CHCHD3: variants seen among roughly 807,000 people sequenced by gnomAD.
CHCHD3 encodes the protein coiled-coil-helix-coiled-coil-helix domain containing 3.
In CHCHD3, 20 loss-of-function variants were observed where a neutral mutation model predicts 38.2. The ratio of observed to expected loss-of-function variants is 0.52; its 90% CI spans 0.37 to 0.76. The LOEUF is 0.76. CHCHD3 is among the 30% of genes least tolerant of loss of function. The pLI, the probability that CHCHD3 is intolerant of heterozygous loss-of-function variation, is 0.00. For missense variants in CHCHD3, 245 were observed against 279.2 expected, an observed-to-expected ratio of 0.88 and a Z score of 0.87; for synonymous variants, 82 against 100.0, an observed-to-expected ratio of 0.82 and a Z score of 1.07.
At chr7:132,803,200 G>T (rs1806833063) in intron 6 of CHCHD3, among the ~76,000 whole-genome samples, 1 of 152,002 alleles carries the variant, frequency 6.6e-6, no homozygotes, top group South Asian at 2.1e-4. Context: ...TATTCTCTTT[G>T]TCCTTTCAAA....
intron 4 of CHCHD3, among the ~76,000 whole-genome samples, chr7:132,915,355 A>G (rs1256115517): frequency 6.6e-6 from 1 of 152,142 alleles, no homozygotes; most frequent in Non-Finnish European, 1.5e-5. Flanking sequence ...GCCGGGAACC[A>G]TAAGAAAGTT....
At chr7:132,976,055 C>T (rs776800339) in intron 3 of CHCHD3, among the ~76,000 whole-genome samples, 3 of 152,120 alleles carry the variant, frequency 2.0e-5, no homozygotes, top group Admixed American at 1.3e-4. Flanking sequence ...GAGGACACAG[C>T]GATAAACAAG....
intron 4 of CHCHD3, among the ~76,000 whole-genome samples, chr7:132,906,310 T>G (rs938521462): frequency 2.0e-5 from 3 of 152,222 alleles, no homozygotes; most frequent in African/African-American, 7.2e-5. Flanking sequence ...AAACAATTAG[T>G]GCTTTTTCTA....
rs116283181 is a variant in CHCHD3 at position 133,073,341 on chromosome 7, T to C, written c.82-3112A>G. Among the ~76,000 whole-genome samples, 1,160 of 152,208 alleles carry C rather than the reference T, an allele frequency of 7.6e-3. 13 individuals carry two copies. Among genetic ancestry groups the C allele is most frequent in the African/African-American group, 0.026 (1,100 of 41,524 alleles). On this transcript the variant is annotated intron_variant, in intron 1 of 7. Coordinates refer to ENST00000262570, the MANE Select transcript of CHCHD3 (RefSeq NM_017812.4). ...TGTACTGGCACTCTCATCCAATCTC[T>C]TGATTTCTAACTGTTGTTGATAAAC... is the stretch of plus-strand genomic sequence containing the variant.
intron 6 of CHCHD3, among the ~76,000 whole-genome samples, chr7:132,828,686 T>C (rs1272393631): frequency 6.6e-6 from 1 of 152,102 alleles, no homozygotes; most frequent in Non-Finnish European, 1.5e-5. Context: ...CCAGGCAGAG[T>C]GAATGGGCAG....
chr7:133,076,414 A>G (rs1433957635), intron 1 of CHCHD3, among the ~76,000 whole-genome samples: 1 of 152,186 alleles, frequency 6.6e-6, no homozygotes, highest in Non-Finnish European at 1.5e-5. Context: ...TCTATGAACT[A>G]AAAGAGCCAC....
At chr7:132,848,294 T>A (rs990989412) in intron 5 of CHCHD3, among the ~76,000 whole-genome samples, 3 of 152,258 alleles carry the variant, frequency 2.0e-5, no homozygotes, top group African/African-American at 7.2e-5. Context: ...GATTCAAAAG[T>A]CTTAATTATA....
At chr7:132,879,923 G>C (rs949616124) in intron 5 of CHCHD3, among the ~76,000 whole-genome samples, 1 of 151,942 alleles carries the variant, frequency 6.6e-6, no homozygotes, top group Non-Finnish European at 1.5e-5. Flanking sequence ...ACTCTTAGGG[G>C]TATCATGCTG....
intron 2 of CHCHD3, among the ~76,000 whole-genome samples, chr7:133,052,648 C>T (rs2117503916): frequency 6.6e-6 from 1 of 152,268 alleles, no homozygotes; most frequent in South Asian, 2.1e-4. Context: ...GACAAACACA[C>T]ATACACAGAC....
At chr7:133,068,237 G>T (rs1814727363) in intron 2 of CHCHD3, among the ~76,000 whole-genome samples, 1 of 152,124 alleles carries the variant, frequency 6.6e-6, no homozygotes, top group Non-Finnish European at 1.5e-5. Context: ...TTTTAAAATG[G>T]ATAATGCCCT....
rs142012631 is a variant in CHCHD3, at chr7:132,882,259, C to T, written c.453+3403G>A. Among the ~76,000 whole-genome samples the T allele has an allele frequency of 5.5e-4, 84 of 152,170 alleles. 1 individual carries two copies. The highest frequency in any genetic ancestry group is 3.3e-3 in the Admixed American group (51 of 15,260). On this transcript the variant is annotated intron_variant, in intron 5 of 7. Transcript: ENST00000262570. ...ACAAGGGATTAGGTGAATTGCCGAA[C>T]AGCCACATGACAAAAGCATACCTTC...
Position 132,788,381 on chromosome 7 carries a change from T to C in CHCHD3, c.661-2721A>G, listed in dbSNP as rs1313402601. Among the ~76,000 whole-genome samples the C allele has an allele frequency of 6.6e-6, 1 of 152,188 alleles. No homozygotes were observed. The highest frequency in any genetic ancestry group is 1.5e-5 in the Non-Finnish European group (1 of 68,048). ...TGTCATCTGCCTGGTCAAGATTACA[T>C]AGCTGTACCCCTCTCTACAATTTTG... On this transcript the variant is annotated intron_variant, in intron 7 of 7. Transcript: ENST00000262570. This position sits in a 1 kb window ranked among gnomAD's most constrained non-coding sequence, Gnocchi z 4.0.
intron 4 of CHCHD3, among the ~76,000 whole-genome samples, chr7:132,886,203 T>C (rs1266832545): frequency 6.6e-6 from 1 of 152,132 alleles, no homozygotes; most frequent in African/African-American, 2.4e-5. Context: ...ACATACATTG[T>C]TCTATTTCCC....
intron 4 of CHCHD3, among the ~76,000 whole-genome samples, chr7:132,963,322 ATTTTTTTTTTTTTTT>A (rs1005146883): frequency 2.3e-5 from 2 of 87,568 alleles, no homozygotes; most frequent in Admixed American, 1.4e-4. Flanking sequence ...TAAAATTGTA[ATTTTTTTTTTTTTTT>A]TTTTTTTTTT....
At chr7:133,044,221 C>T (rs76800950) in intron 2 of CHCHD3, among the ~76,000 whole-genome samples, 3,423 of 152,288 alleles carry the variant, frequency 0.022, 129 homozygotes, top group African/African-American at 0.078. Flanking sequence ...ACTCACTAGA[C>T]ATTTAAAGAA....
At chr7:133,005,224 A>C (rs1348266207) in intron 3 of CHCHD3, among the ~76,000 whole-genome samples, 2 of 152,190 alleles carry the variant, frequency 1.3e-5, no homozygotes, top group African/African-American at 4.8e-5. Flanking sequence ...CAAACAAAAA[A>C]CAAACCTAAA....
chr7:132,794,373 T>C (rs1806548628), intron 7 of CHCHD3, among the ~76,000 whole-genome samples: 1 of 152,190 alleles, frequency 6.6e-6, no homozygotes, highest in South Asian at 2.1e-4. Context: ...TTCAATGCTC[T>C]CAACTGGAAA....
intron 5 of CHCHD3, among the ~76,000 whole-genome samples, chr7:132,871,476 G>A (rs149805929): frequency 4.8e-4 from 73 of 152,264 alleles, no homozygotes; most frequent in African/African-American, 1.6e-3. Flanking sequence ...AGAAGTGCTC[G>A]TTGTAGTTCT....
At chr7:132,951,923 C>T (rs533430804) in intron 4 of CHCHD3, among the ~76,000 whole-genome samples, 2 of 152,276 alleles carry the variant, frequency 1.3e-5, no homozygotes, top group East Asian at 3.9e-4. Context: ...AAAGCCAGTG[C>T]TCTCTTCTCT....
Sources: allele counts gnomAD v4.1 joint callset (sites outside exome capture counted in the v4.1 genomes callset), GRCh38; gene constraint gnomAD v4.1.1; non-coding constraint Gnocchi (gnomAD v3.1); transcripts MANE v1.5; gene names NCBI Gene and HGNC (gene_info 2026-07-23, HGNC 2026-07-21).